The following GUCY2F variants were observed in gnomAD, a reference collection of about 807,000 sequenced individuals.
GUCY2F encodes guanylate cyclase 2F, retinal.
In GUCY2F, 61 loss-of-function variants were observed where a neutral mutation model predicts 73.1. The observed-to-expected ratio is 0.83, with a 90% CI of 0.68 to 1.03. GUCY2F has a LOEUF of 1.03. GUCY2F is among the 50% of genes least tolerant of loss of function. The probability of loss-of-function intolerance (pLI) is 0.00; values close to 1 mark genes in which losing one functional copy is unlikely to be tolerated. For synonymous variants in GUCY2F, 331 were observed against 307.8 expected (o/e 1.08, Z -0.79); for missense variants, 912 against 854.3 (o/e 1.07, Z -0.84).
intron 1 of GUCY2F, among the ~76,000 whole-genome samples, chrX:109,476,867 G>A (rs181183486): frequency 2.6e-4 from 29 of 110,665 alleles, no homozygotes; most frequent in Non-Finnish European, 1.1e-4. Context: ...GTGTGTGTGT[G>A]TATACATATA....
At chrX:109,396,113 G>A (rs1211349325) in intron 11 of GUCY2F, among the ~76,000 whole-genome samples, 1 of 111,694 alleles carries the variant, frequency 9.0e-6, no homozygotes, top group Non-Finnish European at 1.9e-5. Context: ...TTATAGCTAG[G>A]GAAACTGAGA....
chrX:109,427,317 T>C (rs1329519596), intron 8 of GUCY2F, among the ~76,000 whole-genome samples: 1 of 112,583 alleles, frequency 8.9e-6, no homozygotes, highest in African/African-American at 3.2e-5. Flanking sequence ...AACTCCAGGA[T>C]ACTTTCCATT....
At chrX:109,405,433 A>T (rs1930950045) in intron 9 of GUCY2F, among the ~76,000 whole-genome samples, 1 of 112,476 alleles carries the variant, frequency 8.9e-6, no homozygotes, top group African/African-American at 3.2e-5. Context: ...CGATCTCTGC[A>T]CTTGCTTGGC....
intron 14 of GUCY2F, 78 bp from the exon 15 acceptor site, chrX:109,388,741 G>T: frequency 1.6e-6 from 1 of 621,087 alleles, no homozygotes; most frequent in Non-Finnish European, 2.6e-6. Flanking sequence ...GGGTATAATG[G>T]AGGCCAGGTG....
At chrX:109,481,059 G>A (rs1156546905) in intron 1 of GUCY2F, among the ~76,000 whole-genome samples, 1 of 42,057 alleles carries the variant, frequency 2.4e-5, no homozygotes, top group Non-Finnish European at 4.7e-5. Context: ...AGGAAGGAAG[G>A]AAGGAAGGAA....
intron 19 of GUCY2F, among the ~76,000 whole-genome samples, chrX:109,375,130 G>A (rs1187500507): frequency 9.3e-6 from 1 of 107,989 alleles, no homozygotes; most frequent in Non-Finnish European, 1.9e-5. Context: ...AGTGTTTCAG[G>A]GCCAAAGTTT....
intron 9 of GUCY2F, among the ~76,000 whole-genome samples, chrX:109,405,759 CT>C (rs1460961374): frequency 9.0e-6 from 1 of 111,461 alleles, no homozygotes; most frequent in African/African-American, 3.3e-5. Flanking sequence ...AGGCTCCTCC[CT>C]TAACTCACTG....
intron 8 of GUCY2F, among the ~76,000 whole-genome samples, chrX:109,413,599 T>G (rs1056453450): frequency 9.0e-6 from 1 of 110,613 alleles, no homozygotes; most frequent in African/African-American, 3.3e-5. Flanking sequence ...AGAGACAGGG[T>G]TTCACCATGT....
At chrX:109,475,070 G>T in intron 2 of GUCY2F, 137 bp downstream of exon 2, 1 of 579,596 alleles carries the variant, frequency 1.7e-6, no homozygotes, top group Non-Finnish European at 2.7e-6. Context: ...GGACCTGTGT[G>T]TGAGTGAAAA....
Position 109,453,545 on chromosome X carries a change from A to G in GUCY2F, c.1347T>C (p.Asp449=), listed in dbSNP as rs1261429767. ...HFPGGRPPRA[D]AKCWFAEGKI... is the part of the protein sequence containing the mutation. ...TCCCTTCTGCAAACCAGCATTTTGC[A>G]TCTGCTCTAGGGGGCCTGCCACCAG... Residue 449 remains aspartate, a synonymous_variant, in exon 4 of 20, where the codon GAT becomes GAC. Transcript: ENST00000218006. The G allele has an allele frequency of 1.7e-6, 2 of 1,207,687 alleles. No individual in the cohort carries two copies.
At chrX:109,469,550 C>A (rs1015181341) in intron 2 of GUCY2F, among the ~76,000 whole-genome samples, 2 of 110,139 alleles carry the variant, frequency 1.8e-5, no homozygotes, top group South Asian at 4.1e-4. Context: ...GAGACACCCC[C>A]CCATTCTACT....
intron 6 of GUCY2F, among the ~76,000 whole-genome samples, chrX:109,442,132 A>G (rs1931887093): frequency 8.9e-6 from 1 of 111,941 alleles, no homozygotes; most frequent in African/African-American, 3.2e-5. Flanking sequence ...ACTTGCACAC[A>G]TAAGTCTGGT....
intron 1 of GUCY2F, among the ~76,000 whole-genome samples, chrX:109,481,104 AAGGGAGGGAGGGAGGG>A (rs200735029): frequency 1.9e-5 from 1 of 52,997 alleles, no homozygotes; most frequent in Non-Finnish European, 3.4e-5. Context: ...GGAAGGAAGG[AAGGGAGGGAGGGAGGG>A]AAAGAAAGGG....
chrX:109,398,268 A>G (rs1159059369), intron 11 of GUCY2F, among the ~76,000 whole-genome samples: 2 of 110,320 alleles, frequency 1.8e-5, no homozygotes, highest in African/African-American at 3.3e-5. Context: ...AGTAGAGGGG[A>G]CTGTGAAATT....
intron 10 of GUCY2F, among the ~76,000 whole-genome samples, chrX:109,399,821 G>T (rs1167689063): frequency 9.0e-6 from 1 of 110,557 alleles, no homozygotes. Flanking sequence ...TCCCTAGAAA[G>T]AACAGCATGT....
rs370185655 is a variant in GUCY2F at position 109,479,147 on chromosome X, G to A, written c.-86+2719C>T. 1.7e-4 allele frequency among the ~76,000 whole-genome samples: 19 copies of A among 111,541 alleles called. 3 individuals are homozygous for A. Among genetic ancestry groups the A allele is most frequent in the South Asian group, 1.5e-3 (4 of 2,600 alleles). On this transcript the variant is annotated intron_variant, in intron 1 of 19. Transcript: ENST00000218006. ...AGGGCACAGTGCTGCACAGCTGGGG[G>A]TGGGGAGCACCAGTTCCACTGTATT...
At position 109,455,222 on chromosome X, in the gene GUCY2F, G is replaced by A. The variant is rs183078501; in HGVS notation, c.1033-1363C>T. ...CTCAAAGATTCTAATATGCATGCAG[G>A]ATTTTAAGACATCAGTATAGAAGAT... On this transcript the variant is annotated intron_variant, in intron 3 of 19. Transcript: ENST00000218006. Among the ~76,000 whole-genome samples the A allele has an allele frequency of 3.3e-3, 364 of 111,812 alleles. 5 individuals are homozygous for A. Among genetic ancestry groups the A allele is most frequent in the African/African-American group, 0.011 (339 of 30,850 alleles).
chrX:109,425,538 A>G (rs1931466132), intron 8 of GUCY2F, among the ~76,000 whole-genome samples: 1 of 109,847 alleles, frequency 9.1e-6, no homozygotes, highest in Non-Finnish European at 1.9e-5. Flanking sequence ...TTCTAAGTGA[A>G]GTAGCTTAGG....
chrX:109,473,381 A>G (rs1932613576), intron 2 of GUCY2F, among the ~76,000 whole-genome samples: 1 of 111,976 alleles, frequency 8.9e-6, no homozygotes, highest in South Asian at 3.7e-4. Flanking sequence ...AACTTAAAGC[A>G]AGAAATATTT....
Sources: allele counts gnomAD v4.1 joint callset (sites outside exome capture counted in the v4.1 genomes callset), GRCh38; gene constraint gnomAD v4.1.1; transcripts MANE v1.5; gene names NCBI Gene and HGNC (gene_info 2026-07-23, HGNC 2026-07-21).